The following SLC1A3 variants were observed in gnomAD, a reference collection of about 807,000 sequenced individuals.
SLC1A3 encodes the protein solute carrier family 1 member 3.
Under a neutral mutation model 48.1 loss-of-function variants are expected in SLC1A3, and 21 were observed. The ratio of observed to expected loss-of-function variants is 0.44; its 90% CI spans 0.31 to 0.63. SLC1A3 has a LOEUF of 0.63. Among genes scored for constraint, SLC1A3 ranks in the 20% least tolerant of loss-of-function variants. SLC1A3 has a pLI of 0.08. For synonymous variants in SLC1A3, 239 were observed against 251.4 expected (o/e 0.95, Z 0.47); for missense variants, 546 against 689.0 (o/e 0.79, Z 2.32).
At chr5:36,618,145 A>C (rs901316101) in intron 2 of SLC1A3, among the ~76,000 whole-genome samples, 1 of 152,240 alleles carries the variant, frequency 6.6e-6, no homozygotes, top group Admixed American at 6.5e-5. Flanking sequence ...AATCAGGTAG[A>C]TGCAGGTATC....
chr5:36,623,826 G>A (rs966210216), intron 2 of SLC1A3, among the ~76,000 whole-genome samples: 1 of 147,858 alleles, frequency 6.8e-6, no homozygotes, highest in East Asian at 2.0e-4. Context: ...TTGCGCCACT[G>A]CACTCCAGCC....
chr5:36,649,626 G>A (rs1740980423), intron 3 of SLC1A3, among the ~76,000 whole-genome samples: 2 of 152,216 alleles, frequency 1.3e-5, no homozygotes, highest in African/African-American at 4.8e-5. Context: ...TCCTGACTGT[G>A]TTGAAATAAT....
At chr5:36,623,818 GCGC>G (rs1739788693) in intron 2 of SLC1A3, among the ~76,000 whole-genome samples, 1 of 148,984 alleles carries the variant, frequency 6.7e-6, no homozygotes, top group African/African-American at 2.5e-5. Flanking sequence ...AGCCGAGATT[GCGC>G]CACTGCACTC....
At chr5:36,667,496 T>G (rs1741799012) in intron 3 of SLC1A3, among the ~76,000 whole-genome samples, 1 of 152,210 alleles carries the variant, frequency 6.6e-6, no homozygotes, top group African/African-American at 2.4e-5. Context: ...GTAAGAATAC[T>G]CTCTTGGAAA....
At chr5:36,657,109 C>A (rs531177577) in intron 3 of SLC1A3, among the ~76,000 whole-genome samples, 1 of 152,122 alleles carries the variant, frequency 6.6e-6, no homozygotes, top group Non-Finnish European at 1.5e-5. Context: ...ATATGACATT[C>A]CTATCTAGAG....
At chr5:36,684,068 C>T in intron 9 of SLC1A3, 70 bp downstream of exon 9, 2 of 1,578,088 alleles carry the variant, frequency 1.3e-6, no homozygotes, top group South Asian at 2.2e-5. Flanking sequence ...GGGCACCAGG[C>T]AGCCTGGCAC....
chr5:36,616,276 A>G (rs563096256), intron 2 of SLC1A3, among the ~76,000 whole-genome samples: 1 of 152,338 alleles, frequency 6.6e-6, no homozygotes, highest in African/African-American at 2.4e-5. Context: ...GAATATTCAC[A>G]TCACTATGCC....
chr5:36,656,885 A>G (rs1463756173), intron 3 of SLC1A3, among the ~76,000 whole-genome samples: 1 of 152,246 alleles, frequency 6.6e-6, no homozygotes, highest in Non-Finnish European at 1.5e-5. Context: ...CTGATATGTT[A>G]TTCCAGAATG....
intron 3 of SLC1A3, among the ~76,000 whole-genome samples, chr5:36,665,891 A>G (rs1023791987): frequency 6.6e-6 from 1 of 152,234 alleles, no homozygotes; most frequent in African/African-American, 2.4e-5. Flanking sequence ...TTCTTTACCA[A>G]CAATTTGGAA....
intron 2 of SLC1A3, among the ~76,000 whole-genome samples, chr5:36,612,290 G>A (rs561325890): frequency 1.1e-4 from 16 of 152,206 alleles, no homozygotes; most frequent in Non-Finnish European, 1.3e-4. Context: ...TTTTTATAAA[G>A]CATTTCCCTC....
chr5:36,672,975 T>C (rs1378108657), intron 4 of SLC1A3, among the ~76,000 whole-genome samples: 1 of 152,314 alleles, frequency 6.6e-6, no homozygotes, highest in East Asian at 1.9e-4. Context: ...AATCTTGTCA[T>C]CCCCAGTCTG....
At chr5:36,599,527 T>TTTTTTTTTTTTG (rs397997372) in intron 1 of SLC1A3, among the ~76,000 whole-genome samples, 20 of 145,514 alleles carry the variant, frequency 1.4e-4, no homozygotes, top group South Asian at 2.3e-4. Flanking sequence ...TTTTTTTTTT[T>TTTTTTTTTTTTG]GAGACGGAGT....
At chr5:36,640,056 A>C (rs1176695660) in intron 3 of SLC1A3, among the ~76,000 whole-genome samples, 1 of 152,196 alleles carries the variant, frequency 6.6e-6, no homozygotes, top group Non-Finnish European at 1.5e-5. Flanking sequence ...GGAAGGGTCT[A>C]TATCCAGATA....
intron 3 of SLC1A3, among the ~76,000 whole-genome samples, chr5:36,647,678 T>C (rs574463119): frequency 6.6e-6 from 1 of 152,316 alleles, no homozygotes; most frequent in South Asian, 2.1e-4. Flanking sequence ...TAATCTTTCA[T>C]GGAAGGAGCT....
chr5:36,630,713 A>T (rs1740102861), intron 3 of SLC1A3, among the ~76,000 whole-genome samples: 1 of 152,204 alleles, frequency 6.6e-6, no homozygotes. Flanking sequence ...CATGCCTTGG[A>T]GGGCTGGCTA....
chr5:36,614,530 T>C (rs62354631), intron 2 of SLC1A3, among the ~76,000 whole-genome samples: 3,910 of 152,266 alleles, frequency 0.026, 58 homozygotes, highest in South Asian at 0.068. Flanking sequence ...TCTGGCCTCC[T>C]GAGCAGAACC....
chr5:36,684,041 C>A, intron 9 of SLC1A3, 43 bp downstream of exon 9: 2 of 1,612,962 alleles, frequency 1.2e-6, no homozygotes, highest in Non-Finnish European at 8.5e-7. Flanking sequence ...GTCACAGGGT[C>A]CCCCTCTGTC....
At chr5:36,667,938 A>G (rs1741825074) in intron 3 of SLC1A3, 2 of 152,214 alleles carry the variant, frequency 1.3e-5, no homozygotes, top group South Asian at 4.1e-4. Flanking sequence ...TATCTTTACC[A>G]CTTGCTCTGG....
chr5:36,655,266 T>C (rs1741241674), intron 3 of SLC1A3, among the ~76,000 whole-genome samples: 1 of 152,190 alleles, frequency 6.6e-6, no homozygotes, highest in African/African-American at 2.4e-5. Context: ...GTATCAGGTG[T>C]AAGGTCTCTC....
Sources: gnomAD v4.1 joint callset for allele counts (sites outside exome capture counted in the v4.1 genomes callset) on GRCh38, gnomAD v4.1.1 for gene constraint, MANE v1.5 for transcripts, NCBI Gene and HGNC (gene_info 2026-07-23, HGNC 2026-07-21) for gene names.